Variants in DPP10 observed in about 807,000 individuals in gnomAD.
DPP10 encodes the protein inactive dipeptidyl peptidase 10.
A neutral mutation model predicts 120.9 loss-of-function variants in DPP10; 33 were observed. That is an observed-to-expected ratio of 0.27 (90% confidence interval 0.21 to 0.37). The LOEUF (loss-of-function observed/expected upper bound fraction) is 0.37. Among genes scored for constraint, DPP10 ranks in the 10% least tolerant of loss-of-function variants. The pLI is 1.00. For synonymous variants in DPP10, 337 were observed against 326.1 expected (o/e 1.03, Z -0.36); for missense variants, 816 against 942.8 (o/e 0.87, Z 1.76).
chr2:115,468,312 C>G, intron 3 of DPP10: 1 of 514,614 alleles, frequency 1.9e-6, no homozygotes, highest in Non-Finnish European at 3.9e-6. Flanking sequence ...GAGGGCTCTG[C>G]CAAAGTTTGC....
At chr2:115,217,183 A>T (rs973738108) in intron 1 of DPP10, among the ~76,000 whole-genome samples, 15 of 152,188 alleles carry the variant, frequency 9.9e-5, no homozygotes, top group African/African-American at 3.6e-4. Flanking sequence ...TTTAGTTTTG[A>T]ATCCTACGTC....
chr2:115,248,253 T>TC (rs1395531594), intron 1 of DPP10, among the ~76,000 whole-genome samples: 3 of 152,154 alleles, frequency 2.0e-5, no homozygotes. Flanking sequence ...TCTCTAGGAC[T>TC]CAAGTATGAG....
At position 115,233,633 on chromosome 2, in the gene DPP10, G is replaced by T. The variant is rs140407814; in HGVS notation, c.61-75606G>T. Among the ~76,000 whole-genome samples, 39 of 152,224 alleles carry T rather than the reference G, an allele frequency of 2.6e-4. 1 individual carries two copies. In the East Asian group the frequency reaches 7.2e-3, roughly 28 times the overall value. Reference sequence around the variant, plus strand: ...GATCCATTGGATAGTTTTTCTTAGGGACTCTGGGTCTCCCCTAGAGTTTCC... The same window carrying T: ...GATCCATTGGATAGTTTTTCTTAGGTACTCTGGGTCTCCCCTAGAGTTTCC... On this transcript the variant is annotated intron_variant, in intron 1 of 25. Transcript: ENST00000410059.
intron 1 of DPP10, among the ~76,000 whole-genome samples, chr2:115,093,307 A>T (rs1306392454): frequency 6.6e-6 from 1 of 152,164 alleles, no homozygotes; most frequent in Non-Finnish European, 1.5e-5. Context: ...ATAAAACAGT[A>T]TCATAAATAG....
At chr2:115,585,214 A>G (rs1430657571) in intron 5 of DPP10, among the ~76,000 whole-genome samples, 1 of 152,194 alleles carries the variant, frequency 6.6e-6, no homozygotes, top group Non-Finnish European at 1.5e-5. Context: ...AGTAGATGTG[A>G]GCTAAGAAGT....
At chr2:114,718,644 A>C (rs1368967891) in intron 1 of DPP10, among the ~76,000 whole-genome samples, 1 of 152,186 alleles carries the variant, frequency 6.6e-6, no homozygotes, top group African/African-American at 2.4e-5. Context: ...AGTTTCGTTA[A>C]ACAAATCTGT....
chr2:114,924,534 AAAAG>A (rs1216381626), intron 1 of DPP10, among the ~76,000 whole-genome samples: 12 of 152,032 alleles, frequency 7.9e-5, no homozygotes, highest in African/African-American at 2.2e-4. Context: ...TCAAAAAAAA[AAAAG>A]AAAGAGGAAA....
intron 1 of DPP10, among the ~76,000 whole-genome samples, chr2:114,766,543 G>A (rs1680719316): frequency 6.6e-6 from 1 of 151,994 alleles, no homozygotes; most frequent in Non-Finnish European, 1.5e-5. Flanking sequence ...CCTCCAGTGG[G>A]TGAATGGTTA....
At chr2:115,162,221 G>C in intron 1 of DPP10, 1 of 1,558,860 alleles carries the variant, frequency 6.4e-7, no homozygotes, top group South Asian at 1.2e-5. Flanking sequence ...GCGCTCCGGG[G>C]CCCGGCGAGA....
At chr2:115,164,746 C>G (rs892138269) in intron 1 of DPP10, among the ~76,000 whole-genome samples, 1 of 152,166 alleles carries the variant, frequency 6.6e-6, no homozygotes, top group Non-Finnish European at 1.5e-5. Context: ...AGTTACAGTC[C>G]TGTAGAGGGC....
chr2:114,679,224 C>T (rs1328186673), intron 1 of DPP10, among the ~76,000 whole-genome samples: 1 of 151,952 alleles, frequency 6.6e-6, no homozygotes, highest in Non-Finnish European at 1.5e-5. Context: ...GAGTGAAATA[C>T]AGAGAGGTGG....
chr2:114,764,845 TG>T, intron 1 of DPP10, among the ~76,000 whole-genome samples: 1 of 152,196 alleles, frequency 6.6e-6, no homozygotes, highest in East Asian at 1.9e-4. Context: ...AATTTATGAA[TG>T]CAATTTTAGA....
chr2:115,053,073 T>A (rs922293148), intron 1 of DPP10, among the ~76,000 whole-genome samples: 4 of 152,154 alleles, frequency 2.6e-5, no homozygotes, highest in African/African-American at 9.6e-5. Flanking sequence ...ATTAGGCAGT[T>A]CCAAAACCTA....
At position 114,542,689 on chromosome 2, in the gene DPP10, T is replaced by G. The variant is rs1188752027; in HGVS notation, c.60+99851T>G. On this transcript the variant is annotated intron_variant, in intron 1 of 25. Coordinates refer to ENST00000410059, the MANE Select transcript of DPP10 (RefSeq NM_020868.6). Reference sequence around the variant, plus strand: ...GGCAAGGAAGACAAGCTTTCTTATCTGTAAGGTGGTAATCTGGTGAAATAA... The same window carrying G: ...GGCAAGGAAGACAAGCTTTCTTATCGGTAAGGTGGTAATCTGGTGAAATAA... 3.3e-5 allele frequency among the ~76,000 whole-genome samples: 5 copies of G among 152,226 alleles called. No individual in the cohort carries two copies. In the South Asian group the frequency reaches 8.3e-4, roughly 25 times the overall value.
chr2:114,879,339 A>G (rs1421563715), intron 1 of DPP10, among the ~76,000 whole-genome samples: 1 of 152,062 alleles, frequency 6.6e-6, no homozygotes, highest in Non-Finnish European at 1.5e-5. Flanking sequence ...ATCATCTGTC[A>G]CTATCATCAC....
intron 1 of DPP10, among the ~76,000 whole-genome samples, chr2:115,067,861 CAAAAAAA>C (rs201964006): frequency 8.1e-5 from 7 of 86,846 alleles, no homozygotes; most frequent in Middle Eastern, 7.1e-3. Context: ...GACTCTGTCT[CAAAAAAA>C]AAAAAAAAAA....
At chr2:114,599,347 A>C (rs143614981) in intron 1 of DPP10, among the ~76,000 whole-genome samples, 1 of 151,928 alleles carries the variant, frequency 6.6e-6, no homozygotes, top group East Asian at 1.9e-4. Flanking sequence ...TTCTATTTCT[A>C]TTACTTTAAA....
chr2:114,614,671 A>T (rs981726525), intron 1 of DPP10, among the ~76,000 whole-genome samples: 4 of 152,146 alleles, frequency 2.6e-5, no homozygotes, highest in African/African-American at 9.6e-5. Flanking sequence ...TTGCTTACGC[A>T]ATTTCGGGAT....
intron 1 of DPP10, among the ~76,000 whole-genome samples, chr2:115,276,076 C>A (rs933622958): frequency 5.3e-5 from 8 of 152,164 alleles, no homozygotes; most frequent in African/African-American, 1.9e-4. Flanking sequence ...TACATGCCCA[C>A]CCTTTCTTTT....
Sources: gnomAD v4.1 joint callset for allele counts (sites outside exome capture counted in the v4.1 genomes callset) on GRCh38, gnomAD v4.1.1 for gene constraint, MANE v1.5 for transcripts, NCBI Gene and HGNC (gene_info 2026-07-23, HGNC 2026-07-21) for gene names.